KCTD1: variants seen among roughly 807,000 people sequenced by gnomAD.
The protein encoded by KCTD1 is potassium channel tetramerization domain containing 1.
In KCTD1, 24 loss-of-function variants were observed where a neutral mutation model predicts 66.0. The ratio of observed to expected loss-of-function variants is 0.36; its 90% CI spans 0.26 to 0.51. KCTD1 has a LOEUF of 0.51. Ranked by LOEUF, KCTD1 falls within the 20% of genes least tolerant of loss-of-function variation. KCTD1 has a pLI of 0.95. For missense variants in KCTD1, 943 were observed against 1,205.2 expected (o/e 0.78, Z 3.22); for synonymous variants, 511 against 517.2 (o/e 0.99, Z 0.16).
At chr18:26,656,756 C>T (rs920759209) in intron 1 of KCTD1, among the ~76,000 whole-genome samples, 4 of 151,172 alleles carry the variant, frequency 2.6e-5, no homozygotes, top group African/African-American at 9.7e-5. Context: ...CCCCGGGCGC[C>T]GCCGCCCCCT....
intron 1 of KCTD1, among the ~76,000 whole-genome samples, chr18:26,528,045 A>G (rs1035863116): frequency 5.9e-5 from 9 of 152,062 alleles, no homozygotes; most frequent in Admixed American, 4.6e-4. Context: ...TTAATCCCAG[A>G]AACACCAGAC....
intron 4 of KCTD1, chr18:26,456,943 C>CA (rs1293998125): frequency 1.4e-5 from 2 of 145,796 alleles, no homozygotes; most frequent in African/African-American, 2.5e-5. Flanking sequence ...AAAAACAAAA[C>CA]AAAAAAACCC....
intron 1 of KCTD1, among the ~76,000 whole-genome samples, chr18:26,639,371 G>A (rs564956457): frequency 3.3e-5 from 5 of 152,140 alleles, no homozygotes; most frequent in East Asian, 1.9e-4. Context: ...TCCCGAAGCC[G>A]GGCCCAGGGC....
chr18:26,584,665 T>C (rs1326388836), intron 1 of KCTD1, among the ~76,000 whole-genome samples: 1 of 152,034 alleles, frequency 6.6e-6, no homozygotes. Flanking sequence ...GCAAGAGGAA[T>C]ATGAGAAGTG....
intron 1 of KCTD1, among the ~76,000 whole-genome samples, chr18:26,637,790 TA>T (rs1987754593): frequency 6.6e-6 from 1 of 152,206 alleles, no homozygotes; most frequent in Admixed American, 6.5e-5. Context: ...TTTGTCAGTT[TA>T]TTAGCTGTGC....
At position 26,464,833 on chromosome 18, in the gene KCTD1, T is replaced by A. The variant is rs899878302; in HGVS notation, c.2134-4908A>T. Among the ~76,000 whole-genome samples, 5 of 152,280 alleles carry A rather than the reference T, an allele frequency of 3.3e-5. 1 individual carries two copies. The highest frequency in any genetic ancestry group is 2.0e-4 in the Admixed American group (3 of 15,302). ...CCCTAGCAGGCAGGGCACCTATGTA[T>A]CAGGGGTACCACCAGCAAAGCAGGG... On this transcript the variant is annotated intron_variant, in intron 3 of 4. Coordinates refer to ENST00000580059, the MANE Select transcript of KCTD1 (RefSeq NM_001142730.3).
chr18:26,648,350 A>G (rs180834478), intron 1 of KCTD1, among the ~76,000 whole-genome samples: 1 of 152,316 alleles, frequency 6.6e-6, no homozygotes, highest in East Asian at 1.9e-4. Flanking sequence ...ATGTTTACAT[A>G]CCTTGTCATG....
At chr18:26,645,842 C>A (rs1987918950) in intron 1 of KCTD1, among the ~76,000 whole-genome samples, 1 of 152,182 alleles carries the variant, frequency 6.6e-6, no homozygotes, top group Non-Finnish European at 1.5e-5. Context: ...TCAGGCCTCA[C>A]CCTAGACCTA....
At chr18:26,545,379 G>A (rs1399026427) in intron 1 of KCTD1, 1 of 152,190 alleles carries the variant, frequency 6.6e-6, no homozygotes, top group African/African-American at 2.4e-5. Flanking sequence ...CACACCTGAA[G>A]TACAGAAGAC....
In KCTD1 at chr18:26,597,802, C is replaced by T. The variant is rs539974161; in HGVS notation, c.-16+31345G>A. ...CCAAGTAGCTGGGATTACAGGGGTC[C>T]GCTGCCACATCCAACTAATTTTTGT... On this transcript the variant is annotated intron_variant, in intron 1 of 4. Transcript: ENST00000317932. 2.0e-4 allele frequency among the ~76,000 whole-genome samples: 30 copies of T among 152,036 alleles called. 1 individual carries two copies. The South Asian group carries it at 2.3e-3, about 12-fold the overall frequency.
chr18:26,656,301 T>A (rs1290458668), intron 1 of KCTD1, among the ~76,000 whole-genome samples: 6 of 151,664 alleles, frequency 4.0e-5, no homozygotes, highest in Admixed American at 3.9e-4. Context: ...CTCGCATCCT[T>A]CCCCCGTCCC....
intron 1 of KCTD1, chr18:26,543,007 A>G (rs1985045710): frequency 7.6e-6 from 1 of 131,664 alleles, no homozygotes; most frequent in African/African-American, 2.5e-5. Context: ...TCTAGTTTAA[A>G]CAGATAAAGA....
intron 3 of KCTD1, among the ~76,000 whole-genome samples, chr18:26,461,398 T>G (rs921808254): frequency 2.6e-5 from 4 of 152,018 alleles, no homozygotes; most frequent in African/African-American, 9.7e-5. Context: ...ACCACAGGAG[T>G]CTTGGTTCCC....
In KCTD1 at chr18:26,609,435, T is replaced by C. The variant is rs111270557; in HGVS notation, c.-16+19712A>G. ...CTTGCTTAAGCACCAAATTCAGCCC[T>C]GGGAGGTTAATGGGACCATATTACC... On this transcript the variant is annotated intron_variant, in intron 1 of 4. Transcript: ENST00000317932. Among the ~76,000 whole-genome samples the C allele has an allele frequency of 1.4e-3, 216 of 152,336 alleles. 1 individual carries two copies. Among genetic ancestry groups the C allele is most frequent in the Non-Finnish European group, 1.6e-3 (109 of 68,018 alleles).
At chr18:26,560,377 T>C (rs2144874790) in intron 1 of KCTD1, among the ~76,000 whole-genome samples, 1 of 152,310 alleles carries the variant, frequency 6.6e-6, no homozygotes, top group East Asian at 1.9e-4. Flanking sequence ...TAAATTCTTT[T>C]TAATCCTTCT....
intron 2 of KCTD1, among the ~76,000 whole-genome samples, chr18:26,499,443 G>T (rs1010035283): frequency 1.3e-5 from 2 of 152,134 alleles, no homozygotes; most frequent in Non-Finnish European, 2.9e-5. Context: ...ACTAATAGAT[G>T]ACTAATACAA....
chr18:26,491,042 C>T (rs977027066), intron 2 of KCTD1, among the ~76,000 whole-genome samples: 39 of 152,048 alleles, frequency 2.6e-4, no homozygotes, highest in African/African-American at 8.5e-4. Context: ...TGTGAGCCAC[C>T]GCACCTGGCC....
Position 26,468,011 on chromosome 18 carries a change from CAGAG to C in KCTD1, c.2134-8090_2134-8087del, listed in dbSNP as rs370555675. On this transcript the variant is annotated intron_variant, in intron 3 of 4. Coordinates refer to ENST00000580059, the MANE Select transcript of KCTD1 (RefSeq NM_001142730.3). This position sits in a 1 kb window ranked among gnomAD's most constrained non-coding sequence, Gnocchi z 4.8. ...AGATGATGTTAAAGATAAAAGGCTA[CAGAG>C]AGAGAGAGAGAGAGAAAGAGAGAAT... 1.2e-4 allele frequency among the ~76,000 whole-genome samples: 18 copies of C among 149,866 alleles called. No individual in the cohort carries two copies. The highest frequency in any genetic ancestry group is 2.9e-4 in the African/African-American group (12 of 41,044).
chr18:26,486,059 G>A (rs780968688), intron 2 of KCTD1, among the ~76,000 whole-genome samples: 14 of 151,540 alleles, frequency 9.2e-5, no homozygotes, highest in South Asian at 6.3e-4. Context: ...GATTACAGGC[G>A]TGCGCCACTA....
Sources: allele counts gnomAD v4.1 joint callset (sites outside exome capture counted in the v4.1 genomes callset), GRCh38; gene constraint gnomAD v4.1.1; non-coding constraint Gnocchi (gnomAD v3.1); transcripts MANE v1.5; gene names NCBI Gene and HGNC (gene_info 2026-07-23, HGNC 2026-07-21).